The following PPFIBP2 variants were observed in gnomAD, a reference collection of about 807,000 sequenced individuals.
The protein encoded by PPFIBP2 is liprin-beta-2.
In PPFIBP2, 118 loss-of-function variants were observed where a neutral mutation model predicts 118.3. That is an observed-to-expected ratio of 1.00 (90% CI 0.86 to 1.16). The LOEUF (loss-of-function observed/expected upper bound fraction) is 1.16. PPFIBP2 is among the 50% of genes most tolerant of loss of function. PPFIBP2 has a pLI of 0.00. For synonymous variants in PPFIBP2, 414 were observed against 397.4 expected (o/e 1.04, Z -0.50); for missense variants, 1,195 against 1,073.1 (o/e 1.11, Z -1.59).
chr11:7,629,975 G>A (rs1051872101), intron 10 of PPFIBP2, among the ~76,000 whole-genome samples: 1 of 152,188 alleles, frequency 6.6e-6, no homozygotes, highest in Non-Finnish European at 1.5e-5. Context: ...TCGAGTTGCT[G>A]GGCCTGAGTT....
chr11:7,549,674 T>C, intron 2 of PPFIBP2, 135 bp downstream of exon 2: 6 of 917,364 alleles, frequency 6.5e-6, no homozygotes, highest in Non-Finnish European at 9.6e-6. Context: ...AGTGGTGTTA[T>C]TGTGTATGTA....
intron 5 of PPFIBP2, among the ~76,000 whole-genome samples, chr11:7,600,441 C>G (rs978679239): frequency 6.6e-6 from 1 of 152,248 alleles, no homozygotes; most frequent in South Asian, 2.1e-4. Context: ...ATTCTCTGAG[C>G]TAGGGACAGG....
downstream of PPFIBP2, among the ~76,000 whole-genome samples, chr11:7,657,937 C>A (rs1490000248): frequency 2.0e-5 from 3 of 152,208 alleles, no homozygotes; most frequent in Non-Finnish European, 4.4e-5. Flanking sequence ...CCAAGGAGAT[C>A]TGTGCTCCTA....
chr11:7,549,150 G>T (rs1166962060), intron 1 of PPFIBP2, among the ~76,000 whole-genome samples: 1 of 152,194 alleles, frequency 6.6e-6, no homozygotes, highest in Non-Finnish European at 1.5e-5. Flanking sequence ...GACTCCAATT[G>T]TTACACCTGG....
chr11:7,584,898 C>G (rs915354760), intron 3 of PPFIBP2, among the ~76,000 whole-genome samples: 1 of 152,152 alleles, frequency 6.6e-6, no homozygotes, highest in Non-Finnish European at 1.5e-5. Flanking sequence ...TCACTTGTAA[C>G]TAGTTTTCTG....
At chr11:7,588,186 G>A (rs1437582706) in intron 3 of PPFIBP2, among the ~76,000 whole-genome samples, 1 of 152,180 alleles carries the variant, frequency 6.6e-6, no homozygotes, top group East Asian at 1.9e-4. Flanking sequence ...TGACCAAGGG[G>A]AGGGATGGGA....
intron 3 of PPFIBP2, among the ~76,000 whole-genome samples, chr11:7,567,679 A>T (rs1407737872): frequency 6.6e-6 from 1 of 152,222 alleles, no homozygotes; most frequent in East Asian, 1.9e-4. Context: ...GCACATCCAC[A>T]TTCCACACAA....
rs934799134 is a variant in PPFIBP2, at chr11:7,632,985, T to C, written c.1136+51T>C. 1.1e-5 allele frequency: 17 copies of C among 1,536,568 alleles called. No individual in the cohort carries two copies. The African/African-American group carries it at 2.0e-4, about 18-fold the overall frequency. ...AGCCACTGTGCTCTCAGGCTTGCCTTGGGGCTGCCGAAGTAGATGGTGATG... is the reference window on the plus strand; with the variant it reads ...AGCCACTGTGCTCTCAGGCTTGCCTCGGGGCTGCCGAAGTAGATGGTGATG... On this transcript the variant is annotated intron_variant, in intron 12 of 23. Transcript: ENST00000299492.
intron 2 of PPFIBP2, among the ~76,000 whole-genome samples, chr11:7,554,618 C>G (rs1275892982): frequency 6.6e-6 from 1 of 152,000 alleles, no homozygotes; most frequent in Non-Finnish European, 1.5e-5. Context: ...ATATGCCCCT[C>G]CAGAGCCACG....
At chr11:7,588,093 G>T (rs995061716) in intron 3 of PPFIBP2, among the ~76,000 whole-genome samples, 3 of 152,140 alleles carry the variant, frequency 2.0e-5, no homozygotes, top group African/African-American at 7.2e-5. Context: ...TCTCCAAGGT[G>T]CAGAAATCTT....
chr11:7,635,435 A>AG, intron 13 of PPFIBP2, 117 bp from the exon 14 acceptor site: 4 of 927,350 alleles, frequency 4.3e-6, no homozygotes, highest in Non-Finnish European at 7.0e-6. Context: ...GAAGATGTGG[A>AG]GGGAGGGGAT....
chr11:7,556,783 T>C (rs1425770864), intron 2 of PPFIBP2, among the ~76,000 whole-genome samples: 2 of 152,344 alleles, frequency 1.3e-5, no homozygotes, highest in East Asian at 3.9e-4. Context: ...TCACTATCCA[T>C]AGGTATTATT....
intron 3 of PPFIBP2, among the ~76,000 whole-genome samples, chr11:7,578,388 T>G (rs1856769928): frequency 6.6e-6 from 1 of 152,190 alleles, no homozygotes; most frequent in Non-Finnish European, 1.5e-5. Flanking sequence ...GCTGACAGGT[T>G]AGAGATTTGA....
At chr11:7,563,893 C>T (rs745961973) in intron 2 of PPFIBP2, among the ~76,000 whole-genome samples, 2 of 152,160 alleles carry the variant, frequency 1.3e-5, no homozygotes, top group Non-Finnish European at 2.9e-5. Context: ...AGGCCAGGCG[C>T]AGTGGCTCAC....
intron 1 of PPFIBP2, chr11:7,539,057 T>G (rs1851510699): frequency 6.6e-6 from 1 of 152,286 alleles, no homozygotes; most frequent in South Asian, 2.1e-4. Flanking sequence ...TCACCTTCAG[T>G]GGCATTCTTC....
chr11:7,666,165 G>C, the PPFIBP2 span: 1 of 600,034 alleles, frequency 1.7e-6, no homozygotes, highest in South Asian at 2.0e-5. Context: ...GTGTGGAATG[G>C]GTGGGTGTTC....
chr11:7,535,453 G>A (rs1489395921), intron 1 of PPFIBP2, among the ~76,000 whole-genome samples: 1 of 152,226 alleles, frequency 6.6e-6, no homozygotes, highest in Non-Finnish European at 1.5e-5. Flanking sequence ...TAACCTTGGA[G>A]TTGGACTGCC....
intron 2 of PPFIBP2, among the ~76,000 whole-genome samples, chr11:7,549,947 C>A (rs964338430): frequency 6.6e-6 from 1 of 152,174 alleles, no homozygotes; most frequent in East Asian, 1.9e-4. Flanking sequence ...AGATGGTCTC[C>A]AGTGTGTTTC....
chr11:7,528,810 A>G, intron 1 of PPFIBP2, among the ~76,000 whole-genome samples: 1 of 152,082 alleles, frequency 6.6e-6, no homozygotes, highest in East Asian at 1.9e-4. Context: ...GTTGGTGAGG[A>G]CTGCCTGCTC....
Sources: gnomAD v4.1 joint callset for allele counts (sites outside exome capture counted in the v4.1 genomes callset) on GRCh38, gnomAD v4.1.1 for gene constraint, MANE v1.5 for transcripts, NCBI Gene and HGNC (gene_info 2026-07-23, HGNC 2026-07-21) for gene names.